Variants in CDH20 observed in about 807,000 individuals in gnomAD.
CDH20 encodes the protein cadherin 20.
Under a neutral mutation model 74.2 loss-of-function variants are expected in CDH20, and 29 were observed. The ratio of observed to expected loss-of-function variants is 0.39; its 90% CI spans 0.29 to 0.53. The LOEUF is 0.53. Among genes scored for constraint, CDH20 ranks in the 20% least tolerant of loss-of-function variants. The pLI, the probability that CDH20 is intolerant of heterozygous loss-of-function variation, is 0.69. For missense variants in CDH20, 988 were observed against 1,048.3 expected (o/e 0.94, Z 0.79); for synonymous variants, 469 against 405.4 (o/e 1.16, Z -1.88).
At chr18:61,519,448 G>A (rs1243596465) in intron 6 of CDH20, among the ~76,000 whole-genome samples, 1 of 151,350 alleles carries the variant, frequency 6.6e-6, no homozygotes, top group Admixed American at 6.6e-5. Flanking sequence ...CAAGCCAGAA[G>A]AAAGTGGGAG....
chr18:61,375,898 C>T (rs1387505607), intron 1 of CDH20, among the ~76,000 whole-genome samples: 3 of 152,088 alleles, frequency 2.0e-5, no homozygotes, highest in Non-Finnish European at 4.4e-5. Context: ...TATCCAACTG[C>T]ATTATCCTTC....
intron 6 of CDH20, among the ~76,000 whole-genome samples, chr18:61,514,379 G>A (rs901769614): frequency 3.3e-5 from 5 of 152,222 alleles, no homozygotes; most frequent in Admixed American, 1.3e-4. Context: ...CTCTGTATTG[G>A]TTATTCTAGT....
chr18:61,367,683 G>T (rs1454549798), intron 1 of CDH20, among the ~76,000 whole-genome samples: 1 of 152,066 alleles, frequency 6.6e-6, no homozygotes, highest in Non-Finnish European at 1.5e-5. Context: ...TACATTTAAA[G>T]AACCTGCATT....
intron 1 of CDH20, among the ~76,000 whole-genome samples, chr18:61,447,004 T>A (rs954372939): frequency 9.9e-5 from 15 of 152,234 alleles, no homozygotes; most frequent in African/African-American, 3.4e-4. Context: ...CACAGGAGTA[T>A]CTGCCCCAAC....
At chr18:61,484,541 G>A (rs561021087) in intron 1 of CDH20, among the ~76,000 whole-genome samples, 1 of 152,236 alleles carries the variant, frequency 6.6e-6, no homozygotes, top group South Asian at 2.1e-4. Context: ...GAGGAATTGG[G>A]CATGAACTCT....
At chr18:61,465,989 G>A (rs142403055) in intron 1 of CDH20, among the ~76,000 whole-genome samples, 1,680 of 152,030 alleles carry the variant, frequency 0.011, 29 homozygotes, top group African/African-American at 0.037. Context: ...GAGCCCAGGT[G>A]GTTGAGGCTG....
chr18:61,486,981 C>T (rs926541391), intron 1 of CDH20, among the ~76,000 whole-genome samples: 2 of 152,184 alleles, frequency 1.3e-5, no homozygotes, highest in African/African-American at 2.4e-5. Context: ...AATATCACAA[C>T]GAATTTACGT....
At chr18:61,553,189 C>T (rs1414598065) in intron 11 of CDH20, among the ~76,000 whole-genome samples, 1 of 152,006 alleles carries the variant, frequency 6.6e-6, no homozygotes, top group African/African-American at 2.4e-5. Context: ...ACTTTCTCCC[C>T]TTGGATAAAC....
chr18:61,338,798 G>T (rs1301955078), intron 1 of CDH20, among the ~76,000 whole-genome samples: 1 of 152,128 alleles, frequency 6.6e-6, no homozygotes, highest in Non-Finnish European at 1.5e-5. Context: ...CACAAGTTTA[G>T]AGTGTATTCT....
intron 1 of CDH20, among the ~76,000 whole-genome samples, chr18:61,384,099 T>G (rs557450739): frequency 6.6e-6 from 1 of 152,308 alleles, no homozygotes; most frequent in East Asian, 1.9e-4. Flanking sequence ...GGTTCTCGAA[T>G]TTTTACAGAT....
At chr18:61,522,003 T>C (rs1475182392) in intron 6 of CDH20, among the ~76,000 whole-genome samples, 1 of 152,194 alleles carries the variant, frequency 6.6e-6, no homozygotes, top group Non-Finnish European at 1.5e-5. Flanking sequence ...CTTTGAAAAC[T>C]GGCCCACGAC....
At chr18:61,378,955 T>G (rs955384051) in intron 1 of CDH20, among the ~76,000 whole-genome samples, 38 of 152,178 alleles carry the variant, frequency 2.5e-4, no homozygotes, top group African/African-American at 8.7e-4. Context: ...TTATAATAAA[T>G]TAAATGGTGG....
At chr18:61,452,224 G>A (rs111472314) in intron 1 of CDH20, among the ~76,000 whole-genome samples, 1,570 of 151,834 alleles carry the variant, frequency 0.01, 25 homozygotes, top group African/African-American at 0.035. Flanking sequence ...CATAACTCTA[G>A]GTATTTGATA....
At chr18:61,383,553 C>T (rs12455778) in intron 1 of CDH20, among the ~76,000 whole-genome samples, 12,119 of 151,866 alleles carry the variant, frequency 0.08, 572 homozygotes, top group East Asian at 0.12. Context: ...TGCACTCCAG[C>T]CTGGGAGACA....
At chr18:61,460,293 T>C (rs1009208059) in intron 1 of CDH20, among the ~76,000 whole-genome samples, 3 of 152,206 alleles carry the variant, frequency 2.0e-5, no homozygotes, top group Non-Finnish European at 4.4e-5. Context: ...TCTGCAATGA[T>C]ATTCACATCT....
At chr18:61,397,604 C>A (rs552465681) in intron 1 of CDH20, among the ~76,000 whole-genome samples, 9 of 152,266 alleles carry the variant, frequency 5.9e-5, no homozygotes, top group African/African-American at 2.2e-4. Flanking sequence ...TTCTTGCTCA[C>A]CTGTTTATTG....
chr18:61,503,335 C>A (rs180805657), intron 5 of CDH20, among the ~76,000 whole-genome samples: 16 of 152,282 alleles, frequency 1.1e-4, no homozygotes, highest in African/African-American at 3.8e-4. Flanking sequence ...CATATTTTTC[C>A]ATTTTCTCCT....
At chr18:61,469,756 A>G (rs1446033031) in intron 1 of CDH20, among the ~76,000 whole-genome samples, 4 of 152,250 alleles carry the variant, frequency 2.6e-5, no homozygotes, top group Non-Finnish European at 2.9e-5. Flanking sequence ...ATGTATATAC[A>G]TTATCATTTC....
At chr18:61,376,492 GT>G (rs1332806266) in intron 1 of CDH20, among the ~76,000 whole-genome samples, 1 of 151,870 alleles carries the variant, frequency 6.6e-6, no homozygotes, top group African/African-American at 2.4e-5. Flanking sequence ...GAAAACTGAA[GT>G]TTTCCAATTT....
Sources: allele counts gnomAD v4.1 joint callset (sites outside exome capture counted in the v4.1 genomes callset), GRCh38; gene constraint gnomAD v4.1.1; transcripts MANE v1.5; gene names NCBI Gene and HGNC (gene_info 2026-07-23, HGNC 2026-07-21).